LPO: variants seen among roughly 807,000 people sequenced by gnomAD.
LPO encodes the protein lactoperoxidase.
A neutral mutation model predicts 68.4 loss-of-function variants in LPO; 70 were observed. That is an observed-to-expected ratio of 1.02 (90% CI 0.84 to 1.25). The LOEUF (loss-of-function observed/expected upper bound fraction) is 1.25. LPO is among the 50% of genes most tolerant of loss of function. The probability of loss-of-function intolerance (pLI) is 0.00; values close to 1 mark genes in which losing one functional copy is unlikely to be tolerated. For synonymous variants in LPO, 360 were observed against 357.6 expected (o/e 1.01, Z -0.08); for missense variants, 873 against 908.4 (o/e 0.96, Z 0.50).
intron 3 of LPO, among the ~76,000 whole-genome samples, chr17:58,246,149 G>T (rs1285730440): frequency 6.6e-6 from 1 of 152,216 alleles, no homozygotes; most frequent in Non-Finnish European, 1.5e-5. Flanking sequence ...CAGAGGGCAT[G>T]GGGGTGGCAT....
chr17:58,255,740 C>G (rs1209261462), intron 9 of LPO, among the ~76,000 whole-genome samples: 1 of 152,140 alleles, frequency 6.6e-6, no homozygotes, highest in Non-Finnish European at 1.5e-5. Flanking sequence ...CACCCCTCAC[C>G]CAGTCTCCTC....
intron 9 of LPO, among the ~76,000 whole-genome samples, chr17:58,258,643 TA>T (rs1184556866): frequency 6.6e-6 from 1 of 152,250 alleles, no homozygotes; most frequent in Admixed American, 6.5e-5. Context: ...CTTTTAGTTT[TA>T]AAAGGAACTG....
chr17:58,267,718 T>A, intron 12 of LPO, 69 bp from the exon 13 acceptor site: 3 of 1,505,752 alleles, frequency 2.0e-6, no homozygotes, highest in Non-Finnish European at 2.8e-6. Flanking sequence ...GACCCTTTCC[T>A]TCCCCTGTGA....
rs536390560 is a variant in LPO, at chr17:58,266,473, T to G, written c.1693+147T>G. The G allele has an allele frequency of 1.0e-4, 88 of 877,260 alleles. No individual in the cohort carries two copies. The South Asian group carries it at 1.5e-3, about 15-fold the overall frequency. The allele number at this position is 877,260 out of a possible 1,614,324, so 54.3% of individuals were successfully genotyped here. Reference sequence around the variant, plus strand: ...GCCAGTTTTTTTTGTTTGAGGTTTTTTTTTTGAGACAGGGTCTTGCTCTGT... The same window carrying G: ...GCCAGTTTTTTTTGTTTGAGGTTTTGTTTTTGAGACAGGGTCTTGCTCTGT... On this transcript the variant is annotated intron_variant, in intron 11 of 12. Transcript: ENST00000262290.
intron 8 of LPO, among the ~76,000 whole-genome samples, chr17:58,253,849 G>A (rs1274148291): frequency 6.6e-6 from 1 of 152,044 alleles, no homozygotes; most frequent in Non-Finnish European, 1.5e-5. Context: ...AGTGGCTCAT[G>A]CCTGTAATCC....
intron 1 of LPO, among the ~76,000 whole-genome samples, chr17:58,241,120 T>C (rs1481014307): frequency 6.9e-6 from 1 of 144,406 alleles, no homozygotes; most frequent in Non-Finnish European, 1.5e-5. Flanking sequence ...TTTCTTTTCT[T>C]TTTTCTTTTT....
Position 58,267,329 on chromosome 17 carries a change from C to T in LPO, c.1694-20C>T, listed in dbSNP as rs1489336029. ...ACAGGAAGTCCCCGGGATGAGACAG[C>T]CTCAGTCTCTCCACCCTAGGGTACA... On this transcript the variant is annotated intron_variant, in intron 11 of 12. Transcript: ENST00000262290. The T allele has an allele frequency of 3.1e-6, 5 of 1,591,116 alleles. No homozygotes were observed. The highest frequency in any genetic ancestry group is 3.3e-5 in the Admixed American group (2 of 59,918).
At position 58,264,747 on chromosome 17, in the gene LPO, C is replaced by T. The variant is rs1474562323; in HGVS notation, c.1292C>T (p.Pro431Leu). The change falls in exon 10 of 13, where the codon CCC becomes CTC. Residue 431 changes from proline (P) to leucine (L), a missense_variant. By Grantham distance (98) the Pro-to-Leu change is moderately conservative (BLOSUM62 -3). Coordinates refer to ENST00000262290, the MANE Select transcript of LPO (RefSeq NM_006151.3). ...ATTATCACCTTTAGGGACTACCTACCCATTTTGCTAGGTGACCACATGCAG... is the reference window on the plus strand; with the variant it reads ...ATTATCACCTTTAGGGACTACCTACTCATTTTGCTAGGTGACCACATGCAG... ...VQIITFRDYL[P>L]ILLGDHMQKW... 5.0e-6 allele frequency: 8 copies of T among 1,614,140 alleles called. No homozygotes were observed. The highest frequency in any genetic ancestry group is 6.8e-6 in the Non-Finnish European group (8 of 1,180,022).
intron 1 of LPO, among the ~76,000 whole-genome samples, chr17:58,241,701 T>G (rs1969762692): frequency 6.6e-6 from 1 of 152,138 alleles, no homozygotes; most frequent in South Asian, 2.1e-4. Flanking sequence ...TATTTATTCA[T>G]GCCTTGCCCC....
intron 5 of LPO, 176 bp from the exon 6 acceptor site, chr17:58,249,390 G>A (rs576338360): frequency 1.3e-5 from 14 of 1,066,034 alleles, no homozygotes; most frequent in African/African-American, 9.6e-5. Flanking sequence ...TTTCCCCGGG[G>A]CGGGGGAGCC....
At chr17:58,263,743 A>C (rs1460273627) in intron 9 of LPO, among the ~76,000 whole-genome samples, 1 of 152,132 alleles carries the variant, frequency 6.6e-6, no homozygotes, top group South Asian at 2.1e-4. Context: ...CTGTCAAAAA[A>C]AAAAAGCACT....
rs151172513 is a variant in LPO at position 58,261,508 on chromosome 17, C to T, written c.1267-3214C>T. Reference sequence around the variant, plus strand: ...CCTACCTATGTCATTATGTTTGAAGCGAGTTTCTTTTAGACATCATATAGT... The same window carrying T: ...CCTACCTATGTCATTATGTTTGAAGTGAGTTTCTTTTAGACATCATATAGT... On this transcript the variant is annotated intron_variant, in intron 9 of 12. Transcript: ENST00000262290. Among the ~76,000 whole-genome samples the T allele has an allele frequency of 7.3e-4, 110 of 151,024 alleles. No individual in the cohort carries two copies. In the Middle Eastern group the frequency reaches 0.021, roughly 28 times the overall value.
intron 7 of LPO, chr17:58,251,945 C>T (rs375841827): frequency 8.6e-5 from 63 of 733,278 alleles, no homozygotes; most frequent in Middle Eastern, 4.7e-4. Context: ...GGAGCCCTCA[C>T]TGTGAGGACT....
intron 8 of LPO, among the ~76,000 whole-genome samples, chr17:58,252,967 G>A (rs1178865293): frequency 7.4e-6 from 1 of 134,390 alleles, no homozygotes; most frequent in African/African-American, 2.8e-5. Context: ...AGGTTGCAGT[G>A]AGCCGAGATC....
chr17:58,253,521 C>T (rs1285442055), intron 8 of LPO, among the ~76,000 whole-genome samples: 2 of 152,166 alleles, frequency 1.3e-5, no homozygotes, highest in African/African-American at 2.4e-5. Context: ...ACAAAATCCC[C>T]ATTCCATTCA....
chr17:58,261,091 T>G (rs1970166921), intron 9 of LPO, among the ~76,000 whole-genome samples: 1 of 152,226 alleles, frequency 6.6e-6, no homozygotes, highest in Non-Finnish European at 1.5e-5. Flanking sequence ...AAAGAATGTG[T>G]ATTCTGCTGT....
At chr17:58,249,832 C>A (rs374116083) in intron 6 of LPO, 137 bp downstream of exon 6, 22 of 1,280,614 alleles carry the variant, frequency 1.7e-5, no homozygotes, top group African/African-American at 4.6e-5. Context: ...CAGACCCCCA[C>A]CTTCCGCTAG....
rs749293759 is a variant in LPO, at chr17:58,264,974, G to C, written c.1519G>C (p.Gly507Arg). Residue 507 changes from glycine to arginine, a missense_variant and splice_region_variant, in exon 10 of 13, where the codon GGT (glycine) becomes CGT (arginine). By Grantham distance (125) the Gly-to-Arg change is moderately radical. Coordinates refer to ENST00000262290, the MANE Select transcript of LPO (RefSeq NM_006151.3). ...FFNTWRMVKD[G>R]GIDPLVRGLL... ...CAACACTTGGAGGATGGTCAAAGAT[G>C]GTATGCCCTTTCAGGGAAGTGCTGT... 1 of 1,613,652 alleles carries C rather than the reference G, an allele frequency of 6.2e-7. No individual in the cohort carries two copies.
In LPO at chr17:58,243,003, A is replaced by G. The variant is rs775266950; in HGVS notation, c.24A>G (p.Pro8=). Residue 8 remains proline (P), a synonymous_variant, in exon 2 of 13, where the codon CCA becomes CCG. Transcript: ENST00000262290. ...TGATGAGGGTCCTTCTCCATCTCCC[A>G]GCCCTCCTGGCTTCCCTCATCTTGC... is the stretch of plus-strand genomic sequence containing the variant. The part of the protein sequence containing the change: MRVLLHL[P]ALLASLILLQ... The G allele has an allele frequency of 6.2e-6, 10 of 1,614,050 alleles. No homozygotes were observed. The highest frequency in any genetic ancestry group is 2.2e-5 in the South Asian group (2 of 91,086).
Sources: allele counts gnomAD v4.1 joint callset (sites outside exome capture counted in the v4.1 genomes callset), GRCh38; gene constraint gnomAD v4.1.1; transcripts MANE v1.5; gene names NCBI Gene and HGNC (gene_info 2026-07-23, HGNC 2026-07-21).